ARHGAP40: variants seen among roughly 807,000 people sequenced by gnomAD.
The protein encoded by ARHGAP40 is Rho GTPase activating protein 40.
A neutral mutation model predicts 73.5 loss-of-function variants in ARHGAP40; 43 were observed. The observed-to-expected ratio is 0.58, with a 90% CI of 0.46 to 0.75. The LOEUF is 0.75. ARHGAP40 is among the 30% of genes least tolerant of loss of function. The pLI is 0.00. For synonymous variants in ARHGAP40, 300 were observed against 352.8 expected (o/e 0.85, Z 1.68); for missense variants, 734 against 861.8 (o/e 0.85, Z 1.86).
chr20:38,623,514 T>C (rs1426548215), exon 2 of ARHGAP40: 1 of 1,290,644 alleles, frequency 7.7e-7, no homozygotes, highest in Admixed American at 2.3e-5. Flanking sequence ...AGAGATGAGC[T>C]GAGGGAAGAG....
chr20:38,648,766 A>C, intron 14 of ARHGAP40, 68 bp downstream of exon 14: 1 of 1,248,024 alleles, frequency 8.0e-7, no homozygotes, highest in Non-Finnish European at 1.1e-6. Context: ...TCAAAGGCTC[A>C]CTGGGCCCTT....
chr20:38,614,706 T>C (rs190416345), intron 1 of ARHGAP40, among the ~76,000 whole-genome samples: 2 of 152,348 alleles, frequency 1.3e-5, no homozygotes, highest in East Asian at 3.9e-4. Flanking sequence ...TAGAAGTAGA[T>C]GTGGAATTGA....
chr20:38,650,606 T>C, exon 15 of ARHGAP40: 1 of 470,876 alleles, frequency 2.1e-6, no homozygotes, highest in Middle Eastern at 3.3e-4. Flanking sequence ...TGATATAATA[T>C]GTAAACGTAA....
chr20:38,623,328 G>A, intron 1 of ARHGAP40, 31 bp from the exon 2 acceptor site: 1 of 1,256,562 alleles, frequency 8.0e-7, no homozygotes, highest in Non-Finnish European at 1.0e-6. Context: ...GAGACTTGCT[G>A]ACCTCCCTGC....
chr20:38,646,253 G>T lies in ARHGAP40; in HGVS notation c.1710+66G>T. The T allele has an allele frequency of 8.1e-7, 1 of 1,227,034 alleles. No individual in the cohort carries two copies. The allele number at this position is 1,227,034 out of a possible 1,614,324, so 76.0% of individuals were successfully genotyped here. ...GCGACAGGAGGGCACCTGGGGCGCGGTGCTTCCCTTCCTCCAGGTCCCCGC... is the reference window on the plus strand; with the variant it reads ...GCGACAGGAGGGCACCTGGGGCGCGTTGCTTCCCTTCCTCCAGGTCCCCGC... On this transcript the variant is annotated intron_variant, in intron 12 of 14. Transcript: ENST00000373345. The surrounding 1 kb of genome is among the most constrained non-coding windows in gnomAD (Gnocchi z 4.5).
At chr20:38,617,532 T>C (rs1002588198) in intron 1 of ARHGAP40, among the ~76,000 whole-genome samples, 6 of 151,890 alleles carry the variant, frequency 4.0e-5, no homozygotes, top group African/African-American at 1.5e-4. Flanking sequence ...GCAGGGGAGC[T>C]TGGATGGGAG....
At chr20:38,631,452 A>G (rs1365730353) in intron 5 of ARHGAP40, among the ~76,000 whole-genome samples, 1 of 152,172 alleles carries the variant, frequency 6.6e-6, no homozygotes, top group Non-Finnish European at 1.5e-5. Context: ...GGCACGTCTC[A>G]TGTGGCAGCA....
intron 8 of ARHGAP40, 62 bp from the exon 9 acceptor site, chr20:38,639,165 G>A: frequency 3.9e-6 from 5 of 1,289,090 alleles, no homozygotes; most frequent in Non-Finnish European, 5.1e-6. Flanking sequence ...CCAGAGAAGT[G>A]GTAGAGCGAC....
rs1207485799 is a variant in ARHGAP40 at position 38,640,104 on chromosome 20, CTCCTCTTCT to C, written c.1279+738_1279+746del. On this transcript the variant is annotated intron_variant, in intron 9 of 14. Coordinates refer to ENST00000373345, the Ensembl canonical transcript of ARHGAP40. ...GTTGTTGTTGTTCTTCTTCTTCTTCCTCCTCTTCTTCCTCTTCTTCCTCTTCTTTCTTCT... is the reference window on the plus strand; with the variant it reads ...GTTGTTGTTGTTCTTCTTCTTCTTCCTCCTCTTCTTCCTCTTCTTTCTTCT... Among the ~76,000 whole-genome samples the C allele has an allele frequency of 1.4e-4, 20 of 145,140 alleles. No individual in the cohort carries two copies. The East Asian group carries it at 2.4e-3, about 17-fold the overall frequency.
chr20:38,633,428 A>G (rs896779993), intron 5 of ARHGAP40, among the ~76,000 whole-genome samples: 2 of 152,244 alleles, frequency 1.3e-5, no homozygotes, highest in Non-Finnish European at 2.9e-5. Context: ...AGTAGTAAGT[A>G]TTGAGTACTC....
intron 5 of ARHGAP40, among the ~76,000 whole-genome samples, chr20:38,632,293 C>G (rs954577858): frequency 9.2e-5 from 14 of 151,450 alleles, no homozygotes; most frequent in African/African-American, 3.1e-4. Context: ...GACGGAGTCT[C>G]GCTCTATTGC....
chr20:38,619,260 GA>G (rs2145599476), intron 1 of ARHGAP40, among the ~76,000 whole-genome samples: 1 of 152,250 alleles, frequency 6.6e-6, no homozygotes, highest in South Asian at 2.1e-4. Flanking sequence ...ATACCATGAG[GA>G]TTCCTAGATG....
chr20:38,629,442 C>A, intron 4 of ARHGAP40, 60 bp from the exon 5 acceptor site: 1 of 1,299,412 alleles, frequency 7.7e-7, no homozygotes, highest in Non-Finnish European at 1.0e-6. Flanking sequence ...AACCCAAGCA[C>A]TTGCTTCCTG....
Position 38,629,487 on chromosome 20 carries a change from T to C in ARHGAP40, c.635-15T>C, listed in dbSNP as rs78432788. On this transcript the variant is annotated splice_polypyrimidine_tract_variant and intron_variant, in intron 4 of 14. Transcript: ENST00000373345. ...TCTCACTGCCTTTCTCTGCTTTGTT[T>C]CCCCCGCCCCGCAGCAGCAGAGCCT... 7.7e-7 allele frequency: 1 copy of C among 1,305,116 alleles called. No individual in the cohort carries two copies. Among genetic ancestry groups the C allele is most frequent in the Non-Finnish European group, 1.0e-6 (1 of 988,850 alleles). 80.8% of individuals were successfully genotyped at this position (1,305,116 alleles called of 1,614,324 possible).
intron 1 of ARHGAP40, among the ~76,000 whole-genome samples, chr20:38,610,533 C>T (rs1467216928): frequency 6.6e-6 from 1 of 152,146 alleles, no homozygotes; most frequent in African/African-American, 2.4e-5. Context: ...TGGTTTTATG[C>T]ATTTTAGGGG....
At chr20:38,620,187 T>C (rs190450921) in intron 1 of ARHGAP40, among the ~76,000 whole-genome samples, 18 of 152,342 alleles carry the variant, frequency 1.2e-4, no homozygotes, top group African/African-American at 3.6e-4. Context: ...CCTGAGTACT[T>C]TTCTGCATGC....
chr20:38,614,114 C>T (rs1441867672), intron 1 of ARHGAP40, among the ~76,000 whole-genome samples: 1 of 152,160 alleles, frequency 6.6e-6, no homozygotes, highest in Non-Finnish European at 1.5e-5. Context: ...TCAGGTTGTG[C>T]ACTGCATGTG....
At chr20:38,611,295 A>C (rs2088803496) in intron 1 of ARHGAP40, among the ~76,000 whole-genome samples, 1 of 152,038 alleles carries the variant, frequency 6.6e-6, no homozygotes, top group Non-Finnish European at 1.5e-5. Flanking sequence ...CATGGCTACG[A>C]ATTCAGTTTT....
At chr20:38,625,544 A>G (rs947968916) in intron 2 of ARHGAP40, among the ~76,000 whole-genome samples, 2 of 152,108 alleles carry the variant, frequency 1.3e-5, no homozygotes, top group Non-Finnish European at 1.5e-5. Context: ...TCAGCCTCCC[A>G]AGTAGTTGGG....
Sources: allele counts gnomAD v4.1 joint callset (sites outside exome capture counted in the v4.1 genomes callset), GRCh38; gene constraint gnomAD v4.1.1; non-coding constraint Gnocchi (gnomAD v3.1); transcripts MANE v1.5; gene names NCBI Gene and HGNC (gene_info 2026-07-23, HGNC 2026-07-21).